The following HDAC9 variants were observed in gnomAD, a reference collection of about 807,000 sequenced individuals.
The protein encoded by HDAC9 is MEF-2 interacting transcription repressor (MITR) protein.
HDAC9 carries 41 observed loss-of-function variants against 139.4 expected under a neutral mutation model. That is an observed-to-expected ratio of 0.29 (90% confidence interval 0.23 to 0.38). HDAC9 has a LOEUF of 0.38. Ranked by LOEUF, HDAC9 falls within the 10% of genes least tolerant of loss-of-function variation. The pLI is 1.00. For synonymous variants in HDAC9, 517 were observed against 476.2 expected (o/e 1.09, Z -1.12); for missense variants, 1,147 against 1,297.0 (o/e 0.88, Z 1.78).
At chr7:18,297,415 G>A (rs1339990980) in intron 1 of HDAC9, among the ~76,000 whole-genome samples, 1 of 151,970 alleles carries the variant, frequency 6.6e-6, no homozygotes, top group South Asian at 2.1e-4. Flanking sequence ...CCAATTCTTT[G>A]GTCCATGTGT....
At chr7:18,819,364 C>T (rs1042289818) in intron 17 of HDAC9, among the ~76,000 whole-genome samples, 2 of 152,084 alleles carry the variant, frequency 1.3e-5, no homozygotes, top group African/African-American at 4.8e-5. Context: ...TTACTGCCTG[C>T]CCTTTATTTG....
chr7:18,505,148 G>C (rs1307928489), intron 2 of HDAC9, among the ~76,000 whole-genome samples: 3 of 152,170 alleles, frequency 2.0e-5, no homozygotes, highest in Non-Finnish European at 2.9e-5. Context: ...CTTTTCCTTG[G>C]AGCAGATGCT....
intron 6 of HDAC9, among the ~76,000 whole-genome samples, chr7:18,600,595 G>T (rs545422299): frequency 6.6e-6 from 1 of 152,056 alleles, no homozygotes; most frequent in Non-Finnish European, 1.5e-5. Context: ...TATTTGTGTG[G>T]GTTTATTTCT....
intron 1 of HDAC9, among the ~76,000 whole-genome samples, chr7:18,478,579 AT>A (rs1795306919): frequency 6.6e-6 from 1 of 152,252 alleles, no homozygotes; most frequent in South Asian, 2.1e-4. Context: ...TTTAGTTTAA[AT>A]TAAATAGAAA....
chr7:18,683,049 T>A (rs1419826041), intron 12 of HDAC9, among the ~76,000 whole-genome samples: 1 of 152,002 alleles, frequency 6.6e-6, no homozygotes, highest in Non-Finnish European at 1.5e-5. Flanking sequence ...AATATAGGTA[T>A]TAAAATGGTA....
intron 16 of HDAC9, among the ~76,000 whole-genome samples, chr7:18,781,456 A>C (rs1237809611): frequency 6.6e-6 from 1 of 152,050 alleles, no homozygotes; most frequent in East Asian, 1.9e-4. Flanking sequence ...TTAAATAGGT[A>C]GTGTTTGTAA....
intron 2 of HDAC9, among the ~76,000 whole-genome samples, chr7:18,163,782 A>G (rs1475765973): frequency 6.6e-6 from 1 of 152,216 alleles, no homozygotes; most frequent in Non-Finnish European, 1.5e-5. Context: ...ATTTATTTGT[A>G]TATAAATTCA....
chr7:18,844,982 G>A (rs920597945), intron 21 of HDAC9, among the ~76,000 whole-genome samples: 5 of 152,064 alleles, frequency 3.3e-5, no homozygotes, highest in African/African-American at 9.7e-5. Flanking sequence ...ATATGACACC[G>A]TCGTAGTAGG....
At chr7:18,355,183 A>C (rs1160075104) in intron 1 of HDAC9, among the ~76,000 whole-genome samples, 1 of 152,178 alleles carries the variant, frequency 6.6e-6, no homozygotes, top group Non-Finnish European at 1.5e-5. Context: ...TTTATACATG[A>C]AATAAAAACT....
intron 1 of HDAC9, among the ~76,000 whole-genome samples, chr7:18,389,637 T>C (rs1786270601): frequency 1.3e-5 from 2 of 152,318 alleles, no homozygotes; most frequent in South Asian, 4.1e-4. Context: ...GTGGCTGGCT[T>C]GTGGTCTCTG....
chr7:18,433,469 A>G lies in HDAC9; in HGVS notation c.-41-62793A>G, dbSNP rs1001393186. Among the ~76,000 whole-genome samples the G allele has an allele frequency of 9.2e-5, 14 of 152,278 alleles. No homozygotes were observed. The East Asian group carries it at 2.5e-3, about 27-fold the overall frequency. Reference sequence around the variant, plus strand: ...AGTCAAACTATCTCTGTTTGTAGACAATATGATTCTATAGTCTCTGCCCAA... The same window carrying G: ...AGTCAAACTATCTCTGTTTGTAGACGATATGATTCTATAGTCTCTGCCCAA... On this transcript the variant is annotated intron_variant, in intron 1 of 3. Coordinates refer to the HDAC9 transcript ENST00000413509.
At chr7:18,844,664 T>G (rs1185801793) in intron 21 of HDAC9, among the ~76,000 whole-genome samples, 1 of 152,154 alleles carries the variant, frequency 6.6e-6, no homozygotes, top group East Asian at 1.9e-4. Context: ...GCATTTTTAC[T>G]GGAACAGAAG....
intron 12 of HDAC9, among the ~76,000 whole-genome samples, chr7:18,670,682 T>G (rs1199451313): frequency 2.6e-5 from 4 of 152,034 alleles, no homozygotes; most frequent in Non-Finnish European, 5.9e-5. Context: ...AGAGTCCCTG[T>G]TCTCAACCTT....
rs563749204 is a variant in HDAC9, at chr7:18,534,198, G to A, written c.22+37874G>A. Among the ~76,000 whole-genome samples the A allele has an allele frequency of 2.8e-4, 42 of 152,240 alleles. No individual in the cohort carries two copies. The South Asian group carries it at 5.4e-3, about 20-fold the overall frequency. Reference sequence around the variant, plus strand: ...AGCATAGAGGGGTTCTGGTATAGACGGCATGGACATTTAGCAGCCCTTTCA... The same window carrying A: ...AGCATAGAGGGGTTCTGGTATAGACAGCATGGACATTTAGCAGCCCTTTCA... On this transcript the variant is annotated intron_variant, in intron 2 of 25. Coordinates refer to ENST00000686413, the MANE Select transcript of HDAC9 (RefSeq NM_178425.4).
rs556591309 is a variant in HDAC9 at position 18,821,365 on chromosome 7, G to C, written c.2323-7796G>C. ...TGGTTTCTCTGGTGAAATGATGTTG[G>C]AGCTGAAATGTGTGGATAAGGAGGC... On this transcript the variant is annotated intron_variant, in intron 17 of 25. Coordinates refer to ENST00000686413, the MANE Select transcript of HDAC9 (RefSeq NM_178425.4). Among the ~76,000 whole-genome samples, 74 of 152,254 alleles carry C rather than the reference G, an allele frequency of 4.9e-4. No individual in the cohort carries two copies. The South Asian group carries it at 6.2e-3, about 13-fold the overall frequency.
intron 2 of HDAC9, among the ~76,000 whole-genome samples, chr7:18,208,923 T>C (rs1050164708): frequency 2.0e-5 from 3 of 152,220 alleles, no homozygotes; most frequent in African/African-American, 7.2e-5. Flanking sequence ...ATATGTGCAT[T>C]TTTTGCATTT....
chr7:18,730,077 C>T (rs1251616345), intron 13 of HDAC9, among the ~76,000 whole-genome samples: 2 of 152,114 alleles, frequency 1.3e-5, no homozygotes, highest in African/African-American at 4.8e-5. Flanking sequence ...GAAAATCTTA[C>T]AAGAAAAACG....
chr7:18,774,694 G>T (rs1038522438), intron 16 of HDAC9, among the ~76,000 whole-genome samples: 1 of 152,064 alleles, frequency 6.6e-6, no homozygotes, highest in Non-Finnish European at 1.5e-5. Flanking sequence ...TGGCTCAAGG[G>T]AATGTGGTTG....
At chr7:18,307,529 G>A (rs565752950) in intron 1 of HDAC9, among the ~76,000 whole-genome samples, 1 of 152,240 alleles carries the variant, frequency 6.6e-6, no homozygotes, top group African/African-American at 2.4e-5. Flanking sequence ...ATTGCCTGGT[G>A]CCATGGCTCA....
Sources: allele counts gnomAD v4.1 joint callset (sites outside exome capture counted in the v4.1 genomes callset), GRCh38; gene constraint gnomAD v4.1.1; transcripts MANE v1.5; gene names NCBI Gene and HGNC (gene_info 2026-07-23, HGNC 2026-07-21).